The following MAPK10 variants were observed in gnomAD, a reference collection of about 807,000 sequenced individuals.
MAPK10 encodes the protein mitogen-activated protein kinase 10.
Under a neutral mutation model 59.3 loss-of-function variants are expected in MAPK10, and 25 were observed. That is an observed-to-expected ratio of 0.42 (90% confidence interval 0.31 to 0.59). The LOEUF (loss-of-function observed/expected upper bound fraction) is 0.59, where lower values mean the gene tolerates loss of function less well. Ranked by LOEUF, MAPK10 falls within the 20% of genes least tolerant of loss-of-function variation. MAPK10 has a pLI of 0.15. For missense variants in MAPK10, 351 were observed against 568.9 expected, an observed-to-expected ratio of 0.62 and a Z score of 3.90; for synonymous variants, 190 against 200.5, an observed-to-expected ratio of 0.95 and a Z score of 0.44.
intron 2 of MAPK10, among the ~76,000 whole-genome samples, chr4:86,233,333 G>A (rs1166910339): frequency 1.3e-5 from 2 of 152,084 alleles, no homozygotes; most frequent in Non-Finnish European, 2.9e-5. Context: ...ATGGCTCTGT[G>A]AGGCCTACTT....
At chr4:86,137,908 T>G (rs1212877856) in intron 4 of MAPK10, among the ~76,000 whole-genome samples, 1 of 147,354 alleles carries the variant, frequency 6.8e-6, no homozygotes, top group African/African-American at 2.5e-5. Context: ...TACAAACACC[T>G]CTACGCAAAT....
chr4:86,437,556 C>T (rs371329519), intron 1 of MAPK10, among the ~76,000 whole-genome samples: 23 of 152,186 alleles, frequency 1.5e-4, no homozygotes, highest in African/African-American at 5.5e-4. Context: ...AAAGATTAGC[C>T]TATAATTTTC....
intron 1 of MAPK10, among the ~76,000 whole-genome samples, chr4:86,477,207 C>T (rs1258945474): frequency 6.6e-6 from 1 of 152,162 alleles, no homozygotes; most frequent in African/African-American, 2.4e-5. Flanking sequence ...GGGCCTGTTT[C>T]CCTTGCCTCC....
chr4:86,454,997 A>C (rs1751106253), upstream of MAPK10, among the ~76,000 whole-genome samples: 1 of 152,186 alleles, frequency 6.6e-6, no homozygotes, highest in Non-Finnish European at 1.5e-5. Context: ...AAACAAAACA[A>C]TTATCAGCCA....
intron 1 of MAPK10, among the ~76,000 whole-genome samples, chr4:86,396,016 G>C (rs544136615): frequency 1.3e-5 from 2 of 152,350 alleles, no homozygotes; most frequent in African/African-American, 4.8e-5. Flanking sequence ...CATTCTATCT[G>C]TGCAGGCAGG....
chr4:86,173,576 A>G (rs1248676234), intron 3 of MAPK10, among the ~76,000 whole-genome samples: 2 of 152,370 alleles, frequency 1.3e-5, no homozygotes, highest in African/African-American at 4.8e-5. Flanking sequence ...ATGGGCAAAG[A>G]TTTTATGATG....
At chr4:86,552,545 G>GGAAA (rs1219919267) in intron 1 of MAPK10, among the ~76,000 whole-genome samples, 1 of 147,990 alleles carries the variant, frequency 6.8e-6, no homozygotes, top group South Asian at 2.1e-4. Flanking sequence ...AAGGAAGGAA[G>GGAAA]GAAGGAAGGA....
At chr4:86,341,131 G>A (rs1019945420) in intron 2 of MAPK10, among the ~76,000 whole-genome samples, 5 of 152,108 alleles carry the variant, frequency 3.3e-5, no homozygotes, top group African/African-American at 7.2e-5. Flanking sequence ...GCCAAAACCC[G>A]CAGGAATTTA....
chr4:86,395,600 T>C (rs1456408640), intron 1 of MAPK10, among the ~76,000 whole-genome samples: 2 of 152,192 alleles, frequency 1.3e-5, no homozygotes, highest in Non-Finnish European at 2.9e-5. Context: ...GGAGTGGAGA[T>C]AATCCTACAC....
chr4:86,452,572 T>C lies in MAPK10; in HGVS notation c.-122+458A>G, dbSNP rs533628061. ...CTGAAAGCTTCTTTCAGTTTGTTTCTGATAATTTATTAAAAATAATTAGGA... is the reference window on the plus strand; with the variant it reads ...CTGAAAGCTTCTTTCAGTTTGTTTCCGATAATTTATTAAAAATAATTAGGA... On this transcript the variant is annotated intron_variant, in intron 1 of 13. Coordinates refer to the MAPK10 transcript ENST00000361569. 4.1e-4 allele frequency among the ~76,000 whole-genome samples: 62 copies of C among 152,190 alleles called. 1 individual carries two copies. Among genetic ancestry groups the C allele is most frequent in the Non-Finnish European group, 8.8e-5 (6 of 68,028 alleles).
chr4:86,581,938 T>TAC (rs1313274794), intron 1 of MAPK10, among the ~76,000 whole-genome samples: 3 of 93,848 alleles, frequency 3.2e-5, no homozygotes, highest in Non-Finnish European at 6.6e-5. Flanking sequence ...TATATATATA[T>TAC]ATATATATAT....
chr4:86,509,186 T>C (rs764214222), intron 1 of MAPK10, among the ~76,000 whole-genome samples: 1 of 152,146 alleles, frequency 6.6e-6, no homozygotes, highest in Non-Finnish European at 1.5e-5. Context: ...TTCAAATTAA[T>C]GGCTTTACAA....
At chr4:86,350,165 C>T (rs1730463586) in intron 2 of MAPK10, among the ~76,000 whole-genome samples, 1 of 152,100 alleles carries the variant, frequency 6.6e-6, no homozygotes, top group African/African-American at 2.4e-5. Flanking sequence ...GATTCTCCTG[C>T]CTCAGCCTCC....
At chr4:86,104,381 A>G (rs1046459820) in intron 5 of MAPK10, among the ~76,000 whole-genome samples, 12 of 152,140 alleles carry the variant, frequency 7.9e-5, no homozygotes, top group African/African-American at 2.9e-4. Flanking sequence ...ATATTCATAT[A>G]GAAATAAAAT....
rs142626299 is a variant in MAPK10, at chr4:86,501,751, C to T, written c.-263+92159G>A. Among the ~76,000 whole-genome samples, 12 of 151,972 alleles carry T rather than the reference C, an allele frequency of 7.9e-5. No homozygotes were observed. In the East Asian group the frequency reaches 2.3e-3, roughly 29 times the overall value. On this transcript the variant is annotated intron_variant, in intron 1 of 4. Transcript: ENST00000502302. Reference sequence around the variant, plus strand: ...CTCCATGTCAGTTTTGAAAGACATACCAACTGGGTTCAACATTACATTGTG... The same window carrying T: ...CTCCATGTCAGTTTTGAAAGACATATCAACTGGGTTCAACATTACATTGTG...
At chr4:86,364,797 T>C (rs1737569647), upstream of MAPK10, among the ~76,000 whole-genome samples, 1 of 151,852 alleles carries the variant, frequency 6.6e-6, no homozygotes, top group Non-Finnish European at 1.5e-5. Context: ...CTGTCCAACA[T>C]GGTGAAACCC....
At chr4:86,409,297 C>A (rs1434000624) in intron 1 of MAPK10, among the ~76,000 whole-genome samples, 1 of 152,170 alleles carries the variant, frequency 6.6e-6, no homozygotes, top group Admixed American at 6.5e-5. Context: ...GTTTTGGTTA[C>A]TGTAACCCTG....
At chr4:86,326,049 G>T (rs1380788994) in intron 2 of MAPK10, 2 of 152,160 alleles carry the variant, frequency 1.3e-5, no homozygotes, top group Non-Finnish European at 2.9e-5. Flanking sequence ...CTGGGACCAA[G>T]AAAATACAGC....
intron 1 of MAPK10, among the ~76,000 whole-genome samples, chr4:86,426,128 T>A (rs1189570539): frequency 6.6e-6 from 1 of 152,246 alleles, no homozygotes; most frequent in Non-Finnish European, 1.5e-5. Flanking sequence ...ATTATGGATA[T>A]TTATTTTGCT....
Sources: gnomAD v4.1 joint callset for allele counts (sites outside exome capture counted in the v4.1 genomes callset) on GRCh38, gnomAD v4.1.1 for gene constraint, MANE v1.5 for transcripts, NCBI Gene and HGNC (gene_info 2026-07-23, HGNC 2026-07-21) for gene names.